The following KRT82 variants were observed in gnomAD, a reference collection of about 807,000 sequenced individuals.
KRT82 encodes the protein keratin 82.
Under a neutral mutation model 48.0 loss-of-function variants are expected in KRT82, and 44 were observed. The observed-to-expected ratio is 0.92, with a 90% CI of 0.72 to 1.18. The LOEUF (loss-of-function observed/expected upper bound fraction) is 1.18. Ranked by LOEUF, KRT82 falls within the 50% of genes most tolerant of loss-of-function variation. The pLI is 0.00. For synonymous variants in KRT82, 297 were observed against 278.3 expected (o/e 1.07, Z -0.67); for missense variants, 701 against 671.4 (o/e 1.04, Z -0.49).
intron 5 of KRT82, 135 bp downstream of exon 5, chr12:52,399,850 G>T: frequency 2.3e-6 from 2 of 886,872 alleles, no homozygotes; most frequent in Non-Finnish European, 3.5e-6. Flanking sequence ...GGCTTTATGG[G>T]ATTCCCTGTG....
intron 2 of KRT82, among the ~76,000 whole-genome samples, chr12:52,401,672 G>A (rs892860879): frequency 5.9e-5 from 9 of 152,300 alleles, no homozygotes; most frequent in East Asian, 5.8e-4. Flanking sequence ...CCTTGGGAAC[G>A]TAGAAGAAGG....
At chr12:52,397,929 C>T (rs1285631994) in intron 5 of KRT82, among the ~76,000 whole-genome samples, 2 of 152,132 alleles carry the variant, frequency 1.3e-5, no homozygotes, top group African/African-American at 4.8e-5. Flanking sequence ...TGCTTATAAT[C>T]CCAGCTACTT....
At chr12:52,395,288 T>A in intron 8 of KRT82, 93 bp from the exon 9 acceptor site, 1 of 994,642 alleles carries the variant, frequency 1.0e-6, no homozygotes, top group Non-Finnish European at 1.5e-6. Flanking sequence ...TCCTCCCACC[T>A]CCTGCCACTC....
chr12:52,400,545 C>T lies in KRT82; in HGVS notation c.759G>A (p.Leu253=), dbSNP rs774606323. Residue 253 remains leucine (L), a synonymous_variant, in exon 4 of 9, where the codon CTG becomes CTA. Transcript: ENST00000257974. Reference sequence around the variant, plus strand: ...TGGGTACCTCCTCATACAGGCTTTTCAGGAAGTCGATCTCCTGCACGAGTG... The same window carrying T: ...TGGGTACCTCCTCATACAGGCTTTTTAGGAAGTCGATCTCCTGCACGAGTG... ...AEALVQEIDF[L]KSLYEEEICL... 1.9e-6 allele frequency: 3 copies of T among 1,614,034 alleles called. No homozygotes were observed. In the South Asian group the frequency reaches 3.3e-5, roughly 18 times the overall value.
rs920562056 is a variant in KRT82 at position 52,405,922 on chromosome 12, T to G, written c.356A>C (p.Asp119Ala). 1.3e-5 allele frequency: 21 copies of G among 1,614,028 alleles called. No individual in the cohort carries two copies. Among genetic ancestry groups the G allele is most frequent in the South Asian group, 5.5e-5 (5 of 91,026 alleles). Residue 119 changes from aspartate (D) to alanine (A), a missense_variant, in exon 1 of 9, where the codon GAT becomes GCT. Coordinates refer to ENST00000257974, the MANE Select transcript of KRT82 (RefSeq NM_033033.4). ...GAGGCACTTGATCTGCTCCTTCTCATCCCTCTTTACCCTCTGCACAGTCGG... is the reference window on the plus strand; with the variant it reads ...GAGGCACTTGATCTGCTCCTTCTCAGCCCTCTTTACCCTCTGCACAGTCGG... ...IDPTVQRVKR[D>A]EKEQIKCLNN...
At chr12:52,403,460 G>C (rs939658197) in intron 2 of KRT82, among the ~76,000 whole-genome samples, 1 of 152,218 alleles carries the variant, frequency 6.6e-6, no homozygotes, top group East Asian at 1.9e-4. Context: ...ATTTTACAGA[G>C]AGAGAGAGAT....
At chr12:52,401,491 A>T (rs775159842) in intron 2 of KRT82, 142 bp from the exon 3 acceptor site, 370 of 702,602 alleles carry the variant, frequency 5.3e-4, no homozygotes, top group Non-Finnish European at 8.5e-4. Context: ...TGTCTTGGCA[A>T]CTCTAGCTCC....
In KRT82 at chr12:52,400,523, G is replaced by A. The variant is rs376218307; in HGVS notation, c.777+4C>T. ...TAACCACCCAAGGTCAGGGCTGTGG[G>A]TACCTCCTCATACAGGCTTTTCAGG... On this transcript the variant is annotated splice_donor_region_variant and intron_variant, in intron 4 of 8. Coordinates refer to ENST00000257974, the MANE Select transcript of KRT82 (RefSeq NM_033033.4). 1.1e-5 allele frequency: 17 copies of A among 1,611,488 alleles called. No individual in the cohort carries two copies. The highest frequency in any genetic ancestry group is 1.4e-5 in the Non-Finnish European group (16 of 1,177,656).
chr12:52,401,343 T>A lies in KRT82; in HGVS notation c.627A>T (p.Glu209Asp). Reference sequence around the variant, plus strand: ...CACAGGGACGCAGGGAGAGCTCCTCTTCGTATCTGATGGAAAAGGCAGGAA... The same window carrying A: ...CACAGGGACGCAGGGAGAGCTCCTCATCGTATCTGATGGAAAAGGCAGGAA... Reference protein sequence around the residue: ...AALEGYKKKYEEELSLRPCVE... With the variant: ...AALEGYKKKYDEELSLRPCVE... Residue 209 changes from glutamate to aspartate, a missense_variant, in exon 3 of 9, where the codon GAA becomes GAT. Physicochemically the swap from Glu to Asp is conservative, Grantham distance 45. Transcript: ENST00000257974. The A allele has an allele frequency of 6.2e-7, 1 of 1,614,058 alleles. No individual in the cohort carries two copies. Among genetic ancestry groups the A allele is most frequent in the Non-Finnish European group, 8.5e-7 (1 of 1,179,966 alleles).
rs1939687504 is a variant in KRT82 at position 52,394,829 on chromosome 12, G to C, written c.*146C>G. 1.4e-6 allele frequency: 1 copy of C among 708,022 alleles called. No homozygotes were observed. 43.9% of individuals were successfully genotyped at this position (708,022 alleles called of 1,614,324 possible). A position where few individuals can be genotyped will look rare whatever the true frequency, so the allele number is the denominator to read the frequency against. ...AAGGAGGGGTCCTAGGGGCAGCTCAGCTCTCAAGGAGGGAACACTGGAGGG... is the reference window on the plus strand; with the variant it reads ...AAGGAGGGGTCCTAGGGGCAGCTCACCTCTCAAGGAGGGAACACTGGAGGG... On this transcript the variant is annotated 3_prime_UTR_variant, in exon 9 of 9. Transcript: ENST00000257974.
Position 52,400,156 on chromosome 12 carries a change from G to T in KRT82, c.778-7C>A. ...ACTGGAGCAGGCAGATCTCCTGGGG[G>T]CAGGGCCCATGTGAGAAGGAGTGAG... On this transcript the variant is annotated splice_region_variant and splice_polypyrimidine_tract_variant and intron_variant, in intron 4 of 8. Coordinates refer to ENST00000257974, the MANE Select transcript of KRT82 (RefSeq NM_033033.4). 1 of 1,611,054 alleles carries T rather than the reference G, an allele frequency of 6.2e-7. No homozygotes were observed. Among genetic ancestry groups the T allele is most frequent in the Non-Finnish European group, 8.5e-7 (1 of 1,177,822 alleles).
At chr12:52,398,262 G>A (rs1401373916) in intron 5 of KRT82, among the ~76,000 whole-genome samples, 1 of 152,016 alleles carries the variant, frequency 6.6e-6, no homozygotes, top group African/African-American at 2.4e-5. Flanking sequence ...TTTTGCCTCT[G>A]TTCTCCTTGC....
rs754470502 is a variant in KRT82 at position 52,395,011 on chromosome 12, T to C, written c.1506A>G (p.Leu502=). 24 of 1,613,638 alleles carry C rather than the reference T, an allele frequency of 1.5e-5. No homozygotes were observed. In the African/African-American group the frequency reaches 2.8e-4, roughly 19 times the overall value. The part of the protein sequence containing the change: ...CGSGRKSSMT[L]GAGGSSPSHK... ...GGCTGGGGGAGCTGCCCCCAGCTCCTAGCGTCATGCTGGATTTCCGCCCGC... is the reference window on the plus strand; with the variant it reads ...GGCTGGGGGAGCTGCCCCCAGCTCCCAGCGTCATGCTGGATTTCCGCCCGC... The change falls in exon 9 of 9, where the codon CTA becomes CTG. Residue 502 remains leucine (L), a synonymous_variant. Coordinates refer to ENST00000257974, the MANE Select transcript of KRT82 (RefSeq NM_033033.4).
chr12:52,396,561 T>A (rs1424160976), intron 6 of KRT82, among the ~76,000 whole-genome samples: 1 of 152,194 alleles, frequency 6.6e-6, no homozygotes, highest in Admixed American at 6.5e-5. Flanking sequence ...AATTTCAGGA[T>A]CATAGAATCA....
At position 52,406,054 on chromosome 12, in the gene KRT82, AG is replaced by A. The variant is rs1431147230; in HGVS notation, c.223del (p.Leu75CysfsTer35). ...PRVASRCGGT[L>X]PGFGYRLGAT... is the part of the protein sequence containing the mutation. ...TCCCAGTCGGTACCCGAAGCCAGGC[AG>A]GGTACCTCCACACCTGGAGGCTACC... is the stretch of plus-strand genomic sequence containing the variant. On this transcript the variant is annotated frameshift_variant, in exon 1 of 9. Transcript: ENST00000257974. LOFTEE classifies it high-confidence loss of function. 1 of 1,614,112 alleles carries A rather than the reference AG, an allele frequency of 6.2e-7. No homozygotes were observed. The highest frequency in any genetic ancestry group is 1.1e-5 in the South Asian group (1 of 91,088).
In KRT82 at chr12:52,400,068, C is replaced by A; in HGVS notation, c.859G>T (p.Gly287Cys). The A allele has an allele frequency of 6.2e-7, 1 of 1,614,202 alleles. No homozygotes were observed. The highest frequency in any genetic ancestry group is 8.5e-7 in the Non-Finnish European group (1 of 1,180,026). ...MDNSRELDVDGIIAEIKAQYD... is the reference protein window; with the variant it reads ...MDNSRELDVDCIIAEIKAQYD... ...TGCGCCTTGATCTCAGCGATGATGC[C>A]GTCCACGTCCAGCTCCCGGCTGTTG... The change falls in exon 5 of 9, where the codon GGC becomes TGC. Residue 287 changes from glycine (G) to cysteine (C), a missense_variant. Coordinates refer to ENST00000257974, the MANE Select transcript of KRT82 (RefSeq NM_033033.4).
chr12:52,401,457 C>G, intron 2 of KRT82, 108 bp from the exon 3 acceptor site: 1 of 1,064,544 alleles, frequency 9.4e-7, no homozygotes, highest in Non-Finnish European at 1.4e-6. Context: ...ACTGAATGCC[C>G]TGGGGAGTGC....
chr12:52,404,347 G>A (rs1939825953), intron 1 of KRT82, among the ~76,000 whole-genome samples: 1 of 152,166 alleles, frequency 6.6e-6, no homozygotes, highest in Non-Finnish European at 1.5e-5. Context: ...CTTGGGGGTC[G>A]AGGCTTTCCT....
intron 3 of KRT82, 119 bp downstream of exon 3, chr12:52,401,170 G>T: frequency 1.2e-6 from 1 of 819,270 alleles, no homozygotes. Context: ...TCTGAGGGGC[G>T]AAAAACCCTT....
Sources: gnomAD v4.1 joint callset for allele counts (sites outside exome capture counted in the v4.1 genomes callset) on GRCh38, gnomAD v4.1.1 for gene constraint, MANE v1.5 for transcripts, NCBI Gene and HGNC (gene_info 2026-07-23, HGNC 2026-07-21) for gene names.